CMKLR2: variants seen among roughly 807,000 people sequenced by gnomAD.
CMKLR2 encodes the protein chemerin-like receptor 2.
In CMKLR2, 18 loss-of-function variants were observed where a neutral mutation model predicts 23.0. The ratio of observed to expected loss-of-function variants is 0.78; its 90% CI spans 0.54 to 1.16. CMKLR2 has a LOEUF of 1.16. CMKLR2 is among the 50% of genes most tolerant of loss of function. The pLI is 0.00. For synonymous variants in CMKLR2, 158 were observed against 158.9 expected (o/e 0.99, Z 0.05); for missense variants, 401 against 412.7 (o/e 0.97, Z 0.25).
chr2:206,208,310 A>G (rs10185726), intron 1 of CMKLR2, among the ~76,000 whole-genome samples: 143,137 of 152,204 alleles, frequency 0.94, 67,360 homozygotes, highest in African/African-American at 0.96. Context: ...GGAGGCAGAG[A>G]TGGGAGGATT....
chr2:206,204,014 T>C (rs945461700), intron 1 of CMKLR2: 1 of 152,138 alleles, frequency 6.6e-6, no homozygotes, highest in Non-Finnish European at 1.5e-5. Flanking sequence ...ATAATATATG[T>C]TAGGGCATAG....
intron 1 of CMKLR2, among the ~76,000 whole-genome samples, chr2:206,186,525 A>T (rs1243429151): frequency 6.6e-6 from 1 of 152,074 alleles, no homozygotes; most frequent in African/African-American, 2.4e-5. Flanking sequence ...CTGTGACAAG[A>T]TGTTATAAGA....
At chr2:206,207,018 T>C (rs941151445) in intron 1 of CMKLR2, among the ~76,000 whole-genome samples, 8 of 150,688 alleles carry the variant, frequency 5.3e-5, no homozygotes, top group Admixed American at 4.6e-4. Flanking sequence ...TTCAGCCACT[T>C]CCTTGGACCA....
intron 1 of CMKLR2, among the ~76,000 whole-genome samples, chr2:206,179,266 G>A (rs1453397146): frequency 6.7e-6 from 1 of 149,812 alleles, no homozygotes; most frequent in South Asian, 2.1e-4. Flanking sequence ...GTAGAGACAG[G>A]GTTTCTCCAT....
At chr2:206,209,276 T>C (rs1054079220) in intron 1 of CMKLR2, among the ~76,000 whole-genome samples, 3 of 151,658 alleles carry the variant, frequency 2.0e-5, no homozygotes, top group Non-Finnish European at 4.4e-5. Context: ...AGGTAGAGGT[T>C]GCAGTGAGCT....
rs191165659 is a variant in CMKLR2 at position 206,192,479 on chromosome 2, G to A, written c.-28-15204C>T. ...GCATTTTGGGAGGCTGAGGTGGGAG[G>A]ATTGCTTGAGGTCAGGGCTTCAAGA... On this transcript the variant is annotated intron_variant, in intron 1 of 1. Transcript: ENST00000621141. Among the ~76,000 whole-genome samples the A allele has an allele frequency of 4.6e-5, 7 of 151,714 alleles. No individual in the cohort carries two copies. In the East Asian group the frequency reaches 1.2e-3, roughly 25 times the overall value.
intron 1 of CMKLR2, among the ~76,000 whole-genome samples, chr2:206,207,403 G>A (rs1233890058): frequency 6.6e-6 from 1 of 152,130 alleles, no homozygotes; most frequent in African/African-American, 2.4e-5. Flanking sequence ...GCCTCCCAGA[G>A]TGCTGGGATT....
intron 1 of CMKLR2, 57 bp from the exon 2 acceptor site, chr2:206,177,332 G>T: frequency 1.3e-6 from 1 of 759,954 alleles, no homozygotes; most frequent in Non-Finnish European, 2.1e-6. Flanking sequence ...TAAAAGTTCA[G>T]TGAATGATAA....
chr2:206,184,704 T>C (rs1688524783), intron 1 of CMKLR2, among the ~76,000 whole-genome samples: 1 of 152,096 alleles, frequency 6.6e-6, no homozygotes, highest in Non-Finnish European at 1.5e-5. Context: ...TAAGACTAAC[T>C]CAGGAGTGGC....
rs1688802621 is a variant in CMKLR2, at chr2:206,193,038, C to A, written c.-28-15763G>T. Among the ~76,000 whole-genome samples the A allele has an allele frequency of 2.0e-5, 3 of 152,006 alleles. No individual in the cohort carries two copies. The South Asian group carries it at 6.2e-4, about 32-fold the overall frequency. ...CTGGGCATGTTTAGTACAAATACAGCCATTGATTTTTTTTCTTCTGAATAT... is the reference window on the plus strand; with the variant it reads ...CTGGGCATGTTTAGTACAAATACAGACATTGATTTTTTTTCTTCTGAATAT... On this transcript the variant is annotated intron_variant, in intron 1 of 1. Coordinates refer to ENST00000621141, the MANE Select transcript of CMKLR2 (RefSeq NM_001389445.1).
intron 1 of CMKLR2, among the ~76,000 whole-genome samples, chr2:206,179,751 A>G (rs1688353406): frequency 6.6e-6 from 1 of 152,140 alleles, no homozygotes; most frequent in Admixed American, 6.6e-5. Context: ...ATTTTGTGCT[A>G]TTTCTATCTG....
At chr2:206,216,433 G>A (rs1181609984), upstream of CMKLR2, among the ~76,000 whole-genome samples, 2 of 152,244 alleles carry the variant, frequency 1.3e-5, no homozygotes, top group South Asian at 4.1e-4. Flanking sequence ...CAGTCTGGGC[G>A]ACAGAGCAAG....
chr2:206,181,767 A>T (rs188236120), intron 1 of CMKLR2, among the ~76,000 whole-genome samples: 4 of 152,192 alleles, frequency 2.6e-5, no homozygotes, highest in Admixed American at 2.6e-4. Context: ...AGCCTGACTG[A>T]CATGGTGAAA....
At position 206,177,259 on chromosome 2, in the gene CMKLR2, A is replaced by G; in HGVS notation, c.-12T>C. 6 of 1,500,190 alleles carry G rather than the reference A, an allele frequency of 4.0e-6. No homozygotes were observed. The highest frequency in any genetic ancestry group is 5.4e-6 in the Non-Finnish European group (6 of 1,103,930). 92.9% of individuals were successfully genotyped at this position (1,500,190 alleles called of 1,614,324 possible). ...TCCAAATCTTCCATGACCTTGCTAA[A>G]TGGAGAATGAAGAAATCTGTAGAAG... On this transcript the variant is annotated 5_prime_UTR_variant, in exon 2 of 2. Transcript: ENST00000621141.
intron 1 of CMKLR2, among the ~76,000 whole-genome samples, chr2:206,190,964 T>C (rs541001957): frequency 6.6e-6 from 1 of 152,338 alleles, no homozygotes; most frequent in East Asian, 1.9e-4. Flanking sequence ...TTGTATAATC[T>C]GTATGGCTCT....
chr2:206,206,984 C>T (rs1689348690), intron 1 of CMKLR2, among the ~76,000 whole-genome samples: 1 of 145,776 alleles, frequency 6.9e-6, no homozygotes, highest in South Asian at 2.2e-4. Context: ...GCCAGCCTCA[C>T]TCCTGAGAGG....
At chr2:206,179,862 A>G (rs1017037743) in intron 1 of CMKLR2, among the ~76,000 whole-genome samples, 2 of 152,188 alleles carry the variant, frequency 1.3e-5, no homozygotes, top group Admixed American at 1.3e-4. Flanking sequence ...TTTAGATTAT[A>G]GTAGGGTTAG....
chr2:206,202,880 C>T (rs1488291013), intron 1 of CMKLR2, among the ~76,000 whole-genome samples: 1 of 152,106 alleles, frequency 6.6e-6, no homozygotes, highest in African/African-American at 2.4e-5. Flanking sequence ...GTACCCACTC[C>T]AGCGCGTTTC....
chr2:206,208,781 CTG>C (rs2105840546), intron 1 of CMKLR2, among the ~76,000 whole-genome samples: 1 of 152,090 alleles, frequency 6.6e-6, no homozygotes, highest in African/African-American at 2.4e-5. Context: ...CTAGGACCTC[CTG>C]CCTCAGCTCC....
Sources: gnomAD v4.1 joint callset for allele counts (sites outside exome capture counted in the v4.1 genomes callset) on GRCh38, gnomAD v4.1.1 for gene constraint, MANE v1.5 for transcripts, NCBI Gene and HGNC (gene_info 2026-07-23, HGNC 2026-07-21) for gene names.